Variants in KCMF1 observed in about 807,000 individuals in gnomAD.
The protein encoded by KCMF1 is potassium channel modulatory factor 1.
KCMF1 carries 3 observed loss-of-function variants against 41.1 expected under a neutral mutation model. The ratio of observed to expected loss-of-function variants is 0.07; its 90% confidence interval spans 0.03 to 0.19. The LOEUF (loss-of-function observed/expected upper bound fraction) is 0.19, where lower values mean the gene tolerates loss of function less well. Among genes scored for constraint, KCMF1 ranks in the 10% least tolerant of loss-of-function variants. KCMF1 has a pLI of 1.00. For missense variants in KCMF1, 286 were observed against 488.9 expected (o/e 0.58, Z 3.91); for synonymous variants, 142 against 164.5 (o/e 0.86, Z 1.04).
At chr2:84,973,556 A>G (rs963354326) in intron 1 of KCMF1, among the ~76,000 whole-genome samples, 3 of 152,206 alleles carry the variant, frequency 2.0e-5, no homozygotes, top group Non-Finnish European at 4.4e-5. Context: ...ATAGTACAAT[A>G]TTCGACAAGT....
chr2:85,038,858 T>C (rs531806610), intron 3 of KCMF1, among the ~76,000 whole-genome samples: 1 of 152,218 alleles, frequency 6.6e-6, no homozygotes, highest in Non-Finnish European at 1.5e-5. Flanking sequence ...GTACCCCAGT[T>C]TGAAGAAATA....
At chr2:84,990,918 T>A (rs1481128782) in intron 1 of KCMF1, among the ~76,000 whole-genome samples, 2 of 152,086 alleles carry the variant, frequency 1.3e-5, no homozygotes, top group Non-Finnish European at 2.9e-5. Flanking sequence ...AATTTGATTT[T>A]GATTCTTGCT....
chr2:84,993,496 T>C lies in KCMF1; in HGVS notation c.16+22029T>C, dbSNP rs1188142505. 2.0e-5 allele frequency among the ~76,000 whole-genome samples: 3 copies of C among 152,236 alleles called. No individual in the cohort carries two copies. The East Asian group carries it at 5.8e-4, about 29-fold the overall frequency. On this transcript the variant is annotated intron_variant, in intron 1 of 6. Coordinates refer to ENST00000409785, the MANE Select transcript of KCMF1 (RefSeq NM_020122.5). ...TAGTTGATGTACTCCCTTAATCTAT[T>C]ACCCAGCTTCACATCAACATTTTAT...
intron 5 of KCMF1, among the ~76,000 whole-genome samples, chr2:85,048,172 A>G (rs1437508377): frequency 6.6e-6 from 1 of 152,234 alleles, no homozygotes; most frequent in Admixed American, 6.5e-5. Context: ...TAAAAGTTAG[A>G]TATACCATAT....
Position 85,051,942 on chromosome 2 carries a change from T to C in KCMF1, c.885-1206T>C, listed in dbSNP as rs200198054. Among the ~76,000 whole-genome samples, 4 of 152,342 alleles carry C rather than the reference T, an allele frequency of 2.6e-5. No individual in the cohort carries two copies. The East Asian group carries it at 7.7e-4, about 29-fold the overall frequency. On this transcript the variant is annotated intron_variant, in intron 6 of 6. Transcript: ENST00000409785. ...TGATATATATAGGGCCCAAGCCTTA[T>C]TTTTGGTCTTTTCTTTGACCAGGGG...
intron 1 of KCMF1, among the ~76,000 whole-genome samples, chr2:85,010,846 C>CTTT (rs1285447116): frequency 7.1e-6 from 1 of 140,622 alleles, no homozygotes; most frequent in Non-Finnish European, 1.6e-5. Flanking sequence ...TAATCTATTA[C>CTTT]TTTTTTTTTT....
At chr2:85,010,801 T>C (rs1674632823) in intron 1 of KCMF1, among the ~76,000 whole-genome samples, 1 of 152,110 alleles carries the variant, frequency 6.6e-6, no homozygotes, top group Admixed American at 6.6e-5. Flanking sequence ...TATATCAGTA[T>C]GGAGTCGTGG....
In KCMF1 at chr2:85,058,000, A is replaced by G. The variant is rs1477219018; in HGVS notation, c.*4591A>G. The G allele has an allele frequency of 2.0e-5, 3 of 152,246 alleles. No individual in the cohort carries two copies. Among genetic ancestry groups the G allele is most frequent in the Non-Finnish European group, 4.4e-5 (3 of 68,048 alleles). The allele number at this position is 152,246 out of a possible 1,614,324, so 9.4% of individuals were successfully genotyped here. On this transcript the variant is annotated 3_prime_UTR_variant, in exon 7 of 7. Coordinates refer to ENST00000409785, the MANE Select transcript of KCMF1 (RefSeq NM_020122.5). Reference sequence around the variant, plus strand: ...TTTACAGCAACTAAAGAGATCAATTAAAAAGAACCCTTAAGTCTGACTGTC... The same window carrying G: ...TTTACAGCAACTAAAGAGATCAATTGAAAAGAACCCTTAAGTCTGACTGTC...
chr2:85,011,982 A>G (rs555585885), intron 1 of KCMF1, among the ~76,000 whole-genome samples: 25 of 152,150 alleles, frequency 1.6e-4, no homozygotes, highest in Admixed American at 3.3e-4. Flanking sequence ...ACTGGTTGAG[A>G]CCCATTTCCT....
At chr2:85,047,551 T>C (rs1008053459) in intron 5 of KCMF1, among the ~76,000 whole-genome samples, 2 of 149,790 alleles carry the variant, frequency 1.3e-5, no homozygotes, top group African/African-American at 2.5e-5. Flanking sequence ...TATATTGTTG[T>C]AGAACATACT....
At chr2:85,014,077 A>G (rs190616338) in intron 1 of KCMF1, 1 of 152,278 alleles carries the variant, frequency 6.6e-6, no homozygotes. Flanking sequence ...GTAATTTTCA[A>G]AAAGTTGAGA....
chr2:85,005,293 TTTA>T (rs1674440418), intron 1 of KCMF1, among the ~76,000 whole-genome samples: 2 of 151,434 alleles, frequency 1.3e-5, no homozygotes, highest in African/African-American at 4.9e-5. Context: ...TATTTATTTA[TTTA>T]TTTTTTTTTT....
At chr2:84,985,328 A>T (rs1207889104) in intron 1 of KCMF1, among the ~76,000 whole-genome samples, 5 of 152,140 alleles carry the variant, frequency 3.3e-5, no homozygotes, top group African/African-American at 1.2e-4. Flanking sequence ...GGTCTTTTTG[A>T]CTAACTAAAT....
intron 1 of KCMF1, among the ~76,000 whole-genome samples, chr2:85,005,233 C>A (rs760453158): frequency 6.7e-6 from 1 of 150,350 alleles, no homozygotes; most frequent in African/African-American, 2.4e-5. Context: ...ATTGACACAT[C>A]ATAATTATAC....
chr2:84,995,012 A>G (rs1674141736), intron 1 of KCMF1, among the ~76,000 whole-genome samples: 1 of 151,390 alleles, frequency 6.6e-6, no homozygotes, highest in Non-Finnish European at 1.5e-5. Context: ...CTTTTTCGAA[A>G]TTTAAATTTT....
chr2:85,019,742 ATATGTATATATGTG>A (rs540371858), intron 1 of KCMF1, among the ~76,000 whole-genome samples: 317 of 151,912 alleles, frequency 2.1e-3, no homozygotes, highest in African/African-American at 7.1e-3. Flanking sequence ...GTGTGTATAT[ATATGTATATATGTG>A]TGTGTATATA....
chr2:84,997,397 A>G (rs1406069063), intron 1 of KCMF1, among the ~76,000 whole-genome samples: 1 of 151,960 alleles, frequency 6.6e-6, no homozygotes, highest in Non-Finnish European at 1.5e-5. Flanking sequence ...TCTGGATTTC[A>G]TCATATCTAA....
chr2:85,025,346 AT>A (rs1478433659), intron 1 of KCMF1, among the ~76,000 whole-genome samples: 1 of 152,126 alleles, frequency 6.6e-6, no homozygotes, highest in Non-Finnish European at 1.5e-5. Context: ...CAAATGGCTT[AT>A]TTTTTTATTG....
chr2:85,016,809 T>C (rs948127992), intron 1 of KCMF1, among the ~76,000 whole-genome samples: 2 of 151,454 alleles, frequency 1.3e-5, no homozygotes, highest in Admixed American at 1.3e-4. Context: ...TCTGCCTCAG[T>C]CTCCCGAGTA....
Sources: gnomAD v4.1 joint callset for allele counts (sites outside exome capture counted in the v4.1 genomes callset) on GRCh38, gnomAD v4.1.1 for gene constraint, MANE v1.5 for transcripts, NCBI Gene and HGNC (gene_info 2026-07-23, HGNC 2026-07-21) for gene names.